The following CPA6 variants were observed in gnomAD, a reference collection of about 807,000 sequenced individuals.
The protein encoded by CPA6 is carboxypeptidase A6.
A neutral mutation model predicts 63.3 loss-of-function variants in CPA6; 58 were observed. The ratio of observed to expected loss-of-function variants is 0.92; its 90% CI spans 0.74 to 1.14. The LOEUF (loss-of-function observed/expected upper bound fraction) is 1.14. CPA6 is among the 50% of genes most tolerant of loss of function. The pLI is 0.00. For missense variants in CPA6, 565 were observed against 526.6 expected, an observed-to-expected ratio of 1.07 and a Z score of -0.71; for synonymous variants, 185 against 179.0, an observed-to-expected ratio of 1.03 and a Z score of -0.27.
intron 1 of CPA6, among the ~76,000 whole-genome samples, chr8:67,626,650 T>C (rs1815200969): frequency 6.6e-6 from 1 of 152,232 alleles, no homozygotes; most frequent in Non-Finnish European, 1.5e-5. Flanking sequence ...TACATTTCTC[T>C]GACCTGTGTT....
chr8:67,693,083 G>T (rs1191321822), intron 1 of CPA6, among the ~76,000 whole-genome samples: 2 of 152,188 alleles, frequency 1.3e-5, no homozygotes, highest in Non-Finnish European at 2.9e-5. Flanking sequence ...TGACTGCACA[G>T]TATCAAAGCA....
At chr8:67,507,195 A>T (rs566400284) in intron 5 of CPA6, among the ~76,000 whole-genome samples, 1 of 152,108 alleles carries the variant, frequency 6.6e-6, no homozygotes, top group African/African-American at 2.4e-5. Context: ...TTAAGAGCTG[A>T]GTTCTTGCTA....
chr8:67,536,008 T>C (rs536732346), intron 2 of CPA6, among the ~76,000 whole-genome samples: 1 of 152,272 alleles, frequency 6.6e-6, no homozygotes, highest in Admixed American at 6.5e-5. Context: ...AAAGATCAGT[T>C]GGTTGTAGAT....
intron 2 of CPA6, among the ~76,000 whole-genome samples, chr8:67,523,717 A>T (rs558374016): frequency 6.6e-6 from 1 of 152,310 alleles, no homozygotes; most frequent in African/African-American, 2.4e-5. Flanking sequence ...TCTGAGAAGC[A>T]CTTGCCTATC....
At chr8:67,680,058 G>A (rs187749402) in intron 1 of CPA6, among the ~76,000 whole-genome samples, 12 of 152,334 alleles carry the variant, frequency 7.9e-5, no homozygotes. Context: ...GTCTTAAAAT[G>A]CATTTCCCCC....
At chr8:67,635,421 T>C (rs775701804) in intron 1 of CPA6, among the ~76,000 whole-genome samples, 15 of 151,680 alleles carry the variant, frequency 9.9e-5, no homozygotes, top group Non-Finnish European at 1.8e-4. Flanking sequence ...AATGCACATA[T>C]TGGATGGTCT....
At chr8:67,678,264 A>ACAC (rs1456845314) in intron 1 of CPA6, among the ~76,000 whole-genome samples, 2 of 110,688 alleles carry the variant, frequency 1.8e-5, no homozygotes, top group Admixed American at 8.4e-5. Context: ...CACACACACA[A>ACAC]ACCCTGATGA....
chr8:67,632,157 T>TTC (rs1563369550), intron 1 of CPA6, among the ~76,000 whole-genome samples: 1 of 85,158 alleles, frequency 1.2e-5, no homozygotes, highest in Non-Finnish European at 2.5e-5. Context: ...GCTGTGTGTG[T>TTC]GTGTGTGTGT....
At chr8:67,725,037 G>C (rs933070254) in intron 1 of CPA6, among the ~76,000 whole-genome samples, 1 of 152,182 alleles carries the variant, frequency 6.6e-6, no homozygotes, top group African/African-American at 2.4e-5. Context: ...TAGAATAGTC[G>C]GCTACCTGGG....
chr8:67,491,455 A>T (rs565685590), intron 6 of CPA6, among the ~76,000 whole-genome samples: 1 of 152,162 alleles, frequency 6.6e-6, no homozygotes, highest in Non-Finnish European at 1.5e-5. Flanking sequence ...GACTAATCTA[A>T]CAGGGCAGGT....
At chr8:67,520,943 A>G (rs1424360203) in intron 2 of CPA6, among the ~76,000 whole-genome samples, 1 of 152,212 alleles carries the variant, frequency 6.6e-6, no homozygotes, top group South Asian at 2.1e-4. Flanking sequence ...TTGTCCCATA[A>G]ATTCATATGC....
chr8:67,447,570 A>C, intron 8 of CPA6, among the ~76,000 whole-genome samples: 1 of 151,292 alleles, frequency 6.6e-6, no homozygotes, highest in Middle Eastern at 3.2e-3. Flanking sequence ...ATAGGTGATA[A>C]ATTCACATGA....
At chr8:67,673,388 ATTTTT>A (rs796416371) in intron 1 of CPA6, among the ~76,000 whole-genome samples, 45 of 134,002 alleles carry the variant, frequency 3.4e-4, no homozygotes, top group Admixed American at 8.2e-4. Context: ...TTATTTATTT[ATTTTT>A]TTTTTTTTGA....
chr8:67,739,390 G>C (rs960096458), intron 1 of CPA6, among the ~76,000 whole-genome samples: 24 of 152,276 alleles, frequency 1.6e-4, no homozygotes, highest in African/African-American at 5.8e-4. Context: ...CATTAACAAG[G>C]GGCAAGAGCT....
chr8:67,485,582 A>G (rs996829616), intron 6 of CPA6, among the ~76,000 whole-genome samples: 4 of 152,184 alleles, frequency 2.6e-5, no homozygotes, highest in African/African-American at 9.7e-5. Flanking sequence ...ATGGTATTCC[A>G]TTATAGGTAA....
chr8:67,692,636 C>A (rs901806304), intron 1 of CPA6, among the ~76,000 whole-genome samples: 5 of 152,028 alleles, frequency 3.3e-5, no homozygotes, highest in Non-Finnish European at 5.9e-5. Context: ...CAAAAGTGTG[C>A]AGGATAAACT....
At chr8:67,668,441 A>G (rs1816276991) in intron 1 of CPA6, among the ~76,000 whole-genome samples, 1 of 152,236 alleles carries the variant, frequency 6.6e-6, no homozygotes, top group Non-Finnish European at 1.5e-5. Flanking sequence ...CTTCAGTTAG[A>G]ATGAGTTAAG....
intron 2 of CPA6, among the ~76,000 whole-genome samples, chr8:67,586,862 A>T (rs1409635512): frequency 6.6e-6 from 1 of 152,194 alleles, no homozygotes; most frequent in Non-Finnish European, 1.5e-5. Context: ...GATGAGGCTG[A>T]TGAGTAGGCT....
intron 1 of CPA6, among the ~76,000 whole-genome samples, chr8:67,697,375 T>C (rs747470163): frequency 6.6e-6 from 1 of 152,212 alleles, no homozygotes; most frequent in Non-Finnish European, 1.5e-5. Flanking sequence ...AGAAGGCAGA[T>C]AGAGGTTGAA....
Sources: gnomAD v4.1 joint callset for allele counts (sites outside exome capture counted in the v4.1 genomes callset) on GRCh38, gnomAD v4.1.1 for gene constraint, MANE v1.5 for transcripts, NCBI Gene and HGNC (gene_info 2026-07-23, HGNC 2026-07-21) for gene names.